Variants in UBE2E2 observed in about 807,000 individuals in gnomAD.
UBE2E2 encodes ubiquitin-conjugating enzyme E2 E2.
In UBE2E2, 6 loss-of-function variants were observed where a neutral mutation model predicts 24.7. The ratio of observed to expected loss-of-function variants is 0.24; its 90% CI spans 0.13 to 0.48. The LOEUF (loss-of-function observed/expected upper bound fraction) is 0.48, where lower values mean the gene tolerates loss of function less well. Among genes scored for constraint, UBE2E2 ranks in the 20% least tolerant of loss-of-function variants. UBE2E2 has a pLI of 0.99. For missense variants in UBE2E2, 169 were observed against 245.0 expected (o/e 0.69, Z 2.07); for synonymous variants, 104 against 83.6 (o/e 1.24, Z -1.33).
chr3:23,269,312 G>A (rs576260778), intron 3 of UBE2E2, among the ~76,000 whole-genome samples: 1 of 152,256 alleles, frequency 6.6e-6, no homozygotes, highest in South Asian at 2.1e-4. Flanking sequence ...ATCTGACAAA[G>A]GGCTAATATC....
chr3:23,399,739 G>C (rs527683640), intron 3 of UBE2E2, among the ~76,000 whole-genome samples: 2 of 152,100 alleles, frequency 1.3e-5, no homozygotes, highest in African/African-American at 2.4e-5. Context: ...TTACAAAATC[G>C]TATGGACAAC....
chr3:23,482,261 TACTG>T (rs373315448), intron 3 of UBE2E2, among the ~76,000 whole-genome samples: 9 of 152,168 alleles, frequency 5.9e-5, no homozygotes, highest in East Asian at 1.9e-4. Flanking sequence ...CCTCTAGAAA[TACTG>T]ACCACAAATG....
At chr3:23,354,772 C>G (rs1340125236) in intron 3 of UBE2E2, among the ~76,000 whole-genome samples, 1 of 152,226 alleles carries the variant, frequency 6.6e-6, no homozygotes, top group Non-Finnish European at 1.5e-5. Context: ...CACTTTTACA[C>G]TGTTGGTGGG....
chr3:23,519,057 C>T (rs988116218), intron 4 of UBE2E2, among the ~76,000 whole-genome samples: 9 of 152,162 alleles, frequency 5.9e-5, no homozygotes, highest in African/African-American at 2.2e-4. Context: ...ACCAGCTCCT[C>T]AGTTTGTCAT....
chr3:23,311,514 G>A (rs1296279202), intron 3 of UBE2E2, among the ~76,000 whole-genome samples: 2 of 152,178 alleles, frequency 1.3e-5, no homozygotes, highest in Admixed American at 6.5e-5. Context: ...AATAAAATAT[G>A]GAGAACCATT....
At position 23,220,140 on chromosome 3, in the gene UBE2E2, G is replaced by A. The variant is rs191444904; in HGVS notation, c.227+2828G>A. ...TCAGTGTAGATAAAGTTTTATGTAA[G>A]GCATTTTTAGAGGAAGTTATTCTAA... On this transcript the variant is annotated intron_variant, in intron 3 of 5. Coordinates refer to ENST00000396703, the MANE Select transcript of UBE2E2 (RefSeq NM_152653.4). 4.3e-3 allele frequency among the ~76,000 whole-genome samples: 658 copies of A among 152,022 alleles called. 14 individuals carry two copies. Among genetic ancestry groups the A allele is most frequent in the Middle Eastern group, 0.01 (3 of 294 alleles).
chr3:23,235,644 A>C (rs569112362), intron 3 of UBE2E2, among the ~76,000 whole-genome samples: 1 of 152,224 alleles, frequency 6.6e-6, no homozygotes, highest in South Asian at 2.1e-4. Context: ...GTGGAGATAG[A>C]AAGAGGGTCA....
chr3:23,352,850 T>C (rs554789410), intron 3 of UBE2E2, among the ~76,000 whole-genome samples: 16 of 152,224 alleles, frequency 1.1e-4, no homozygotes, highest in African/African-American at 3.6e-4. Flanking sequence ...TTCCAATCAA[T>C]ACAAAAAGAG....
intron 3 of UBE2E2, among the ~76,000 whole-genome samples, chr3:23,433,858 C>T (rs1192711324): frequency 1.3e-5 from 2 of 151,736 alleles, no homozygotes; most frequent in Admixed American, 6.6e-5. Flanking sequence ...ATGTAAAATA[C>T]GGGAATACAT....
intron 3 of UBE2E2, among the ~76,000 whole-genome samples, chr3:23,498,041 A>G (rs1443975696): frequency 3.3e-5 from 5 of 152,140 alleles, no homozygotes. Flanking sequence ...GATTTTGATG[A>G]TATTGAGCAT....
intron 4 of UBE2E2, among the ~76,000 whole-genome samples, chr3:23,531,045 T>C (rs1278303967): frequency 6.6e-6 from 1 of 152,240 alleles, no homozygotes; most frequent in Non-Finnish European, 1.5e-5. Flanking sequence ...GTAGGTGTCA[T>C]GGATTATCTG....
At chr3:23,509,238 G>T (rs1251209377) in intron 4 of UBE2E2, among the ~76,000 whole-genome samples, 1 of 152,184 alleles carries the variant, frequency 6.6e-6, no homozygotes, top group Non-Finnish European at 1.5e-5. Flanking sequence ...TTCAGTTTTG[G>T]CATTTTCCTA....
At chr3:23,336,147 T>C (rs1481257658) in intron 3 of UBE2E2, among the ~76,000 whole-genome samples, 1 of 152,210 alleles carries the variant, frequency 6.6e-6, no homozygotes, top group Non-Finnish European at 1.5e-5. Context: ...TTTTTAATTA[T>C]TGTTGATTTG....
chr3:23,418,085 T>C (rs1697687540), intron 3 of UBE2E2, among the ~76,000 whole-genome samples: 1 of 152,146 alleles, frequency 6.6e-6, no homozygotes, highest in African/African-American at 2.4e-5. Flanking sequence ...CTTGCTGGCG[T>C]TGCAGGCACC....
intron 3 of UBE2E2, among the ~76,000 whole-genome samples, chr3:23,316,472 G>A (rs1694582401): frequency 6.6e-6 from 1 of 151,860 alleles, no homozygotes; most frequent in Non-Finnish European, 1.5e-5. Context: ...TTAGCTTGTG[G>A]TGAATGCTGC....
intron 3 of UBE2E2, among the ~76,000 whole-genome samples, chr3:23,468,137 C>A (rs1698962042): frequency 6.6e-6 from 1 of 152,138 alleles, no homozygotes; most frequent in Non-Finnish European, 1.5e-5. Flanking sequence ...TCCACATGGA[C>A]CATTCAGGAT....
At chr3:23,272,336 C>T (rs1158125483) in intron 3 of UBE2E2, among the ~76,000 whole-genome samples, 5 of 152,076 alleles carry the variant, frequency 3.3e-5, no homozygotes, top group African/African-American at 4.8e-5. Context: ...CCAGAACTTT[C>T]ACTGGCCCAA....
chr3:23,475,127 T>C (rs923717349), intron 3 of UBE2E2, among the ~76,000 whole-genome samples: 1 of 152,034 alleles, frequency 6.6e-6, no homozygotes, highest in African/African-American at 2.4e-5. Context: ...TTTCCTCTTG[T>C]CTGGTTGCTC....
chr3:23,275,449 A>T (rs1698355430), intron 3 of UBE2E2, among the ~76,000 whole-genome samples: 1 of 152,204 alleles, frequency 6.6e-6, no homozygotes, highest in Admixed American at 6.5e-5. Flanking sequence ...CTGGGCCTAG[A>T]TCAAATCCTG....
Sources: allele counts gnomAD v4.1 joint callset (sites outside exome capture counted in the v4.1 genomes callset), GRCh38; gene constraint gnomAD v4.1.1; transcripts MANE v1.5; gene names NCBI Gene and HGNC (gene_info 2026-07-23, HGNC 2026-07-21).